Variants in PRKCB observed in about 807,000 individuals in gnomAD.
PRKCB encodes protein kinase C beta.
Under a neutral mutation model 81.5 loss-of-function variants are expected in PRKCB, and 13 were observed. The ratio of observed to expected loss-of-function variants is 0.16; its 90% CI spans 0.10 to 0.25. PRKCB has a LOEUF of 0.25. Ranked by LOEUF, PRKCB falls within the 10% of genes least tolerant of loss-of-function variation. PRKCB has a pLI of 1.00. For synonymous variants in PRKCB, 335 were observed against 321.4 expected, an observed-to-expected ratio of 1.04 and a Z score of -0.45; for missense variants, 509 against 875.7, an observed-to-expected ratio of 0.58 and a Z score of 5.29.
intron 7 of PRKCB, chr16:24,099,602 T>A (rs1326687967): frequency 6.6e-6 from 1 of 152,190 alleles, no homozygotes; most frequent in Admixed American, 6.5e-5. Flanking sequence ...AAATGGGGCT[T>A]ATGGGTTATA....
chr16:24,116,157 T>A (rs575670170), intron 8 of PRKCB, among the ~76,000 whole-genome samples: 1 of 152,050 alleles, frequency 6.6e-6, no homozygotes. Context: ...CATTAGTGAG[T>A]GTATTCCTGT....
chr16:23,846,091 T>A (rs1312141536), intron 2 of PRKCB, among the ~76,000 whole-genome samples: 1 of 152,228 alleles, frequency 6.6e-6, no homozygotes, highest in African/African-American at 2.4e-5. Context: ...GTATTTTCTC[T>A]TGTTCAGAAG....
At chr16:23,968,994 A>AC (rs1964523640) in intron 2 of PRKCB, among the ~76,000 whole-genome samples, 1 of 151,974 alleles carries the variant, frequency 6.6e-6, no homozygotes, top group Non-Finnish European at 1.5e-5. Context: ...TCATGGTGAG[A>AC]CCCCATCTCT....
At chr16:23,916,521 C>T (rs374794793) in intron 2 of PRKCB, among the ~76,000 whole-genome samples, 1 of 152,114 alleles carries the variant, frequency 6.6e-6, no homozygotes, top group East Asian at 1.9e-4. Context: ...TGAAAGATTT[C>T]TCTCCTATCC....
intron 13 of PRKCB, among the ~76,000 whole-genome samples, chr16:24,184,662 G>T (rs773019827): frequency 1.3e-5 from 2 of 152,048 alleles, no homozygotes; most frequent in Admixed American, 1.3e-4. Context: ...CTTTTATAAA[G>T]AAATATTAAA....
At chr16:24,176,623 T>A (rs1052145190) in intron 12 of PRKCB, among the ~76,000 whole-genome samples, 1 of 152,196 alleles carries the variant, frequency 6.6e-6, no homozygotes, top group Admixed American at 6.5e-5. Flanking sequence ...CTGGGCGCAG[T>A]GGCTCATGCC....
intron 2 of PRKCB, among the ~76,000 whole-genome samples, chr16:23,934,122 T>C (rs1368736186): frequency 1.3e-5 from 2 of 152,266 alleles, no homozygotes; most frequent in Non-Finnish European, 1.5e-5. Flanking sequence ...CTGGACTTGC[T>C]TGGTTCTGTC....
intron 3 of PRKCB, among the ~76,000 whole-genome samples, chr16:24,020,700 A>G (rs917879245): frequency 6.6e-6 from 1 of 152,168 alleles, no homozygotes; most frequent in Admixed American, 6.5e-5. Context: ...TTCTGAGGGT[A>G]TTTCCAACTG....
At chr16:23,896,883 ACCATCCATCCATCCAT>A (rs55662090) in intron 2 of PRKCB, among the ~76,000 whole-genome samples, 5 of 149,146 alleles carry the variant, frequency 3.4e-5, no homozygotes, top group Non-Finnish European at 7.4e-5. Context: ...CATCCATCCA[ACCATCCATCCATCCAT>A]CCATCCATCC....
chr16:23,863,259 C>T (rs1567293555), intron 2 of PRKCB, among the ~76,000 whole-genome samples: 5 of 127,780 alleles, frequency 3.9e-5, no homozygotes, highest in Admixed American at 2.4e-4. Flanking sequence ...TACACATACA[C>T]ACACACACAC....
chr16:23,879,711 C>T (rs930875367), intron 2 of PRKCB, among the ~76,000 whole-genome samples: 1 of 152,078 alleles, frequency 6.6e-6, no homozygotes, highest in East Asian at 1.9e-4. Context: ...CTAGGCTGGT[C>T]TCGAGCTCCT....
At chr16:24,062,975 A>G (rs1223744492) in intron 5 of PRKCB, among the ~76,000 whole-genome samples, 1 of 151,794 alleles carries the variant, frequency 6.6e-6, no homozygotes. Context: ...TTGATTGGCA[A>G]GAGATTGTAG....
intron 5 of PRKCB, among the ~76,000 whole-genome samples, chr16:24,090,326 C>T (rs1002765872): frequency 6.6e-6 from 1 of 152,176 alleles, no homozygotes; most frequent in African/African-American, 2.4e-5. Context: ...TCCTGGTAGC[C>T]GATTCAATGC....
intron 15 of PRKCB, among the ~76,000 whole-genome samples, chr16:24,186,410 T>C (rs1967704976): frequency 6.6e-6 from 1 of 152,162 alleles, no homozygotes; most frequent in Non-Finnish European, 1.5e-5. Context: ...ACTGTCCAAA[T>C]GAAGTGATTT....
At chr16:24,038,048 G>A (rs1292296327) in intron 5 of PRKCB, among the ~76,000 whole-genome samples, 3 of 152,098 alleles carry the variant, frequency 2.0e-5, no homozygotes. Context: ...CAAGTGTGGT[G>A]GTGCACGACT....
chr16:24,173,371 G>T (rs1596581896), intron 11 of PRKCB, among the ~76,000 whole-genome samples: 1 of 152,052 alleles, frequency 6.6e-6, no homozygotes, highest in East Asian at 1.9e-4. Context: ...AGATCTTATT[G>T]CCTCTCCAGA....
chr16:23,936,447 C>T (rs1241113955), intron 2 of PRKCB, among the ~76,000 whole-genome samples: 1 of 152,138 alleles, frequency 6.6e-6, no homozygotes, highest in Non-Finnish European at 1.5e-5. Flanking sequence ...CAGGGTCTCG[C>T]TCTCACCCAG....
intron 5 of PRKCB, among the ~76,000 whole-genome samples, chr16:24,080,428 T>C (rs1358944945): frequency 1.3e-5 from 2 of 152,156 alleles, no homozygotes; most frequent in Admixed American, 1.3e-4. Context: ...ACCAGAATGA[T>C]TTCTAGATTC....
At chr16:24,185,950 G>T (rs564519506) in intron 15 of PRKCB, among the ~76,000 whole-genome samples, 1 of 152,352 alleles carries the variant, frequency 6.6e-6, no homozygotes, top group African/African-American at 2.4e-5. Context: ...CTGCTCTGCT[G>T]TATGTGTTTA....
Sources: gnomAD v4.1 joint callset for allele counts (sites outside exome capture counted in the v4.1 genomes callset) on GRCh38, gnomAD v4.1.1 for gene constraint, MANE v1.5 for transcripts, NCBI Gene and HGNC (gene_info 2026-07-23, HGNC 2026-07-21) for gene names.